The following TBC1D14 variants were observed in gnomAD, a reference collection of about 807,000 sequenced individuals.
TBC1D14 encodes the protein TBC1 domain family, member 14.
In TBC1D14, 26 loss-of-function variants were observed where a neutral mutation model predicts 79.0. That is an observed-to-expected ratio of 0.33 (90% confidence interval 0.24 to 0.46). The LOEUF (loss-of-function observed/expected upper bound fraction) is 0.46, where lower values mean the gene tolerates loss of function less well. Among genes scored for constraint, TBC1D14 ranks in the 20% least tolerant of loss-of-function variants. The pLI is 1.00. For synonymous variants in TBC1D14, 394 were observed against 349.9 expected, an observed-to-expected ratio of 1.13 and a Z score of -1.40; for missense variants, 769 against 887.6, an observed-to-expected ratio of 0.87 and a Z score of 1.70.
At chr4:7,002,979 C>T (rs1719823589) in intron 7 of TBC1D14, among the ~76,000 whole-genome samples, 1 of 152,144 alleles carries the variant, frequency 6.6e-6, no homozygotes, top group African/African-American at 2.4e-5. Context: ...GGACTCTGAT[C>T]CTAGGCCCAG....
intron 2 of TBC1D14, among the ~76,000 whole-genome samples, chr4:6,951,129 T>TA (rs1713999041): frequency 6.6e-6 from 1 of 151,944 alleles, no homozygotes. Context: ...CTGTCTCTAC[T>TA]AAAAATACAA....
intron 3 of TBC1D14, among the ~76,000 whole-genome samples, chr4:6,986,784 T>C (rs910527049): frequency 6.6e-6 from 1 of 152,218 alleles, no homozygotes; most frequent in African/African-American, 2.4e-5. Flanking sequence ...TCCGTCTCCC[T>C]CCCGGCAGCC....
At position 6,994,255 on chromosome 4, in the gene TBC1D14, C is replaced by T; in HGVS notation, c.915C>T (p.Asp305=). 1.9e-6 allele frequency: 3 copies of T among 1,614,192 alleles called. No homozygotes were observed. In the East Asian group the frequency reaches 6.7e-5, roughly 36 times the overall value. Residue 305 remains aspartate, a synonymous_variant, in exon 4 of 14, where the codon GAC becomes GAT. Transcript: ENST00000409757. ...SPKQNVRKNL[D]FEPLSTTALI... is the part of the protein sequence containing the mutation. ...AGCAGAATGTGAGGAAGAATCTTGA[C>T]TTTGAACCACTTTCCACCACCGCAC...
chr4:7,010,844 C>G, intron 11 of TBC1D14, 63 bp downstream of exon 11: 6 of 1,543,704 alleles, frequency 3.9e-6, no homozygotes, highest in Non-Finnish European at 5.3e-6. Flanking sequence ...GTTGCTTACT[C>G]GTCTGTGTTT....
At chr4:6,919,945 C>T (rs536242497) in intron 1 of TBC1D14, among the ~76,000 whole-genome samples, 6 of 152,250 alleles carry the variant, frequency 3.9e-5, no homozygotes, top group East Asian at 3.9e-4. Context: ...AATAGCGTCT[C>T]GCTGTGTTGC....
intron 2 of TBC1D14, among the ~76,000 whole-genome samples, chr4:6,938,071 C>T (rs1183097906): frequency 1.3e-5 from 2 of 152,132 alleles, no homozygotes; most frequent in Non-Finnish European, 2.9e-5. Flanking sequence ...GCAGCAGTGC[C>T]GTCCCGGGCG....
intron 2 of TBC1D14, among the ~76,000 whole-genome samples, chr4:6,939,287 C>G (rs756492888): frequency 3.3e-5 from 5 of 152,240 alleles, no homozygotes; most frequent in Middle Eastern, 6.8e-3. Context: ...TCCTGCCTGC[C>G]TCTTCCTGCT....
chr4:7,006,937 C>T (rs1720260865), intron 9 of TBC1D14, among the ~76,000 whole-genome samples: 1 of 152,164 alleles, frequency 6.6e-6, no homozygotes, highest in Non-Finnish European at 1.5e-5. Flanking sequence ...CATACTTGTG[C>T]TCCAAAAGAC....
intron 3 of TBC1D14, among the ~76,000 whole-genome samples, chr4:6,972,319 A>C (rs534739218): frequency 6.6e-6 from 1 of 152,166 alleles, no homozygotes; most frequent in Non-Finnish European, 1.5e-5. Flanking sequence ...GTGATAAGCA[A>C]TTCTTATCTC....
Position 7,030,581 on chromosome 4 carries a change from A to G in TBC1D14, c.*189A>G. The stretch of plus-strand genomic sequence containing the variant: ...AGAATTAAACCAAGGCTTAGCCTTA[A>G]GCAGCTCAGTGGAAGGATGAGCTGC... On this transcript the variant is annotated 3_prime_UTR_variant, in exon 14 of 14. Transcript: ENST00000409757. The G allele has an allele frequency of 1.8e-6, 1 of 550,584 alleles. No individual in the cohort carries two copies. Among genetic ancestry groups the G allele is most frequent in the Non-Finnish European group, 3.2e-6 (1 of 309,520 alleles). 34.1% of individuals were successfully genotyped at this position (550,584 alleles called of 1,614,324 possible).
rs549648852 is a variant in TBC1D14, at chr4:6,948,844, C to T, written c.723-18460C>T. Among the ~76,000 whole-genome samples, 14 of 151,512 alleles carry T rather than the reference C, an allele frequency of 9.2e-5. No homozygotes were observed. In the East Asian group the frequency reaches 2.6e-3, roughly 28 times the overall value. ...CGTCCCAAGTAGCTGGGATTACAGG[C>T]GTGAGCCACCACGCCTGGCTAATTT... is the stretch of plus-strand genomic sequence containing the variant. On this transcript the variant is annotated intron_variant, in intron 2 of 13. Coordinates refer to ENST00000409757, the MANE Select transcript of TBC1D14 (RefSeq NM_020773.3).
chr4:7,017,712 G>C (rs2109285172), intron 12 of TBC1D14, among the ~76,000 whole-genome samples: 1 of 152,350 alleles, frequency 6.6e-6, no homozygotes, highest in South Asian at 2.1e-4. Flanking sequence ...TGCTGACTGT[G>C]TTCTAGAATA....
chr4:6,957,999 C>A (rs1356955904), intron 2 of TBC1D14, among the ~76,000 whole-genome samples: 2 of 150,560 alleles, frequency 1.3e-5, no homozygotes, highest in Non-Finnish European at 2.9e-5. Context: ...GATATCCTAA[C>A]CCTCTTGGCG....
At chr4:6,945,749 C>CAAAAAAAAAA (rs71173472) in intron 2 of TBC1D14, among the ~76,000 whole-genome samples, 19 of 64,132 alleles carry the variant, frequency 3.0e-4, no homozygotes, top group Non-Finnish European at 3.9e-4. Flanking sequence ...AACTGCGTCT[C>CAAAAAAAAAA]AAAAAAAAAA....
intron 2 of TBC1D14, among the ~76,000 whole-genome samples, chr4:6,955,675 C>T (rs948759668): frequency 2.0e-5 from 3 of 152,132 alleles, no homozygotes; most frequent in Admixed American, 1.3e-4. Context: ...TGCTGAAGTG[C>T]AAACAGGCGT....
intron 4 of TBC1D14, chr4:6,995,285 T>A (rs1718900555): frequency 6.6e-6 from 1 of 152,220 alleles, no homozygotes; most frequent in South Asian, 2.1e-4. Context: ...TGAAATCTGT[T>A]CACTTTAAAA....
At chr4:6,934,825 C>G (rs1311848055) in intron 2 of TBC1D14, among the ~76,000 whole-genome samples, 1 of 152,110 alleles carries the variant, frequency 6.6e-6, no homozygotes, top group Non-Finnish European at 1.5e-5. Context: ...CACCTGTAAT[C>G]CCAGCACTTT....
Position 6,979,392 on chromosome 4 carries a change from C to T in TBC1D14, c.843+11968C>T, listed in dbSNP as rs11937171. Among the ~76,000 whole-genome samples the T allele has an allele frequency of 1.8e-3, 278 of 152,154 alleles. 1 individual carries two copies. The highest frequency in any genetic ancestry group is 6.5e-3 in the African/African-American group (268 of 41,506). ...CTGTAATCCCAGCACTTTGGGAGGC[C>T]GAGGCAGACGATTACTTGAAGCCAG... On this transcript the variant is annotated intron_variant, in intron 3 of 13. Coordinates refer to ENST00000409757, the MANE Select transcript of TBC1D14 (RefSeq NM_020773.3).
chr4:7,013,862 G>A (rs1305014426), intron 11 of TBC1D14, among the ~76,000 whole-genome samples: 1 of 151,990 alleles, frequency 6.6e-6, no homozygotes, highest in Non-Finnish European at 1.5e-5. Flanking sequence ...TCCTGCCTCA[G>A]CCTCCCGAGT....
Sources: allele counts gnomAD v4.1 joint callset (sites outside exome capture counted in the v4.1 genomes callset), GRCh38; gene constraint gnomAD v4.1.1; transcripts MANE v1.5; gene names NCBI Gene and HGNC (gene_info 2026-07-23, HGNC 2026-07-21).